Variants in ARHGEF33 observed in about 807,000 individuals in gnomAD.
ARHGEF33 encodes Rho guanine nucleotide exchange factor 33, also known as DH and coiled-coil domain-containing protein ENSP00000381780.
Under a neutral mutation model 101.9 loss-of-function variants are expected in ARHGEF33, and 72 were observed. That is an observed-to-expected ratio of 0.71 (90% CI 0.58 to 0.86). ARHGEF33 has a LOEUF of 0.86. Among genes scored for constraint, ARHGEF33 ranks in the 40% least tolerant of loss-of-function variants. ARHGEF33 has a pLI of 0.00. For missense variants in ARHGEF33, 1,169 were observed against 1,111.3 expected (o/e 1.05, Z -0.74); for synonymous variants, 499 against 442.5 (o/e 1.13, Z -1.60).
rs1341538222 is a variant in ARHGEF33 at position 38,974,655 on chromosome 2, C to G, written c.*812C>G. 6.6e-6 allele frequency: 1 copy of G among 152,184 alleles called. No homozygotes were observed. Among genetic ancestry groups the G allele is most frequent in the Non-Finnish European group, 1.5e-5 (1 of 68,040 alleles). The allele number at this position is 152,184 out of a possible 1,614,324, so 9.4% of individuals were successfully genotyped here. A position where few individuals can be genotyped will look rare whatever the true frequency, so the allele number is the denominator to read the frequency against. On this transcript the variant is annotated 3_prime_UTR_variant, in exon 18 of 18. Coordinates refer to ENST00000409978, the MANE Select transcript of ARHGEF33 (RefSeq NM_001145451.5). ...CGTGATCTTGAGTGTCACACACACT[C>G]ACAACCAGATGGACTAGGAAAAAAG... is the stretch of plus-strand genomic sequence containing the variant.
Position 38,975,264 on chromosome 2 carries a change from T to C in ARHGEF33, c.*1421T>C, listed in dbSNP as rs1409003179. On this transcript the variant is annotated 3_prime_UTR_variant, in exon 18 of 18. Transcript: ENST00000409978. The stretch of plus-strand genomic sequence containing the variant: ...ACATAAAGGATCACTGCCAAGTTTT[T>C]TGAGTTTCCAGGATCTAAGTTTAAG... 1.3e-5 allele frequency: 2 copies of C among 152,232 alleles called. No individual in the cohort carries two copies. Among genetic ancestry groups the C allele is most frequent in the African/African-American group, 4.8e-5 (2 of 41,468 alleles). The allele number at this position is 152,232 out of a possible 1,614,324, so 9.4% of individuals were successfully genotyped here.
chr2:38,927,831 G>A (rs995953138), intron 4 of ARHGEF33, among the ~76,000 whole-genome samples: 3 of 152,188 alleles, frequency 2.0e-5, no homozygotes, highest in Non-Finnish European at 4.4e-5. Flanking sequence ...TGTCAAGAAA[G>A]TAATGTTATT....
Position 38,954,473 on chromosome 2 carries a change from A to G in ARHGEF33, c.1221+17A>G, listed in dbSNP as rs1558441651. 4.7e-6 allele frequency: 7 copies of G among 1,493,388 alleles called. No homozygotes were observed. The highest frequency in any genetic ancestry group is 5.5e-6 in the Non-Finnish European group (6 of 1,093,978). 92.5% of individuals were successfully genotyped at this position (1,493,388 alleles called of 1,614,324 possible). A position where few individuals can be genotyped will look rare whatever the true frequency, so the allele number is the denominator to read the frequency against. On this transcript the variant is annotated intron_variant, in intron 13 of 17. Coordinates refer to ENST00000409978, the MANE Select transcript of ARHGEF33 (RefSeq NM_001145451.5). ...CATCTGCAGGTAGGCATGGGTGGGA[A>G]AGCCACCAAACTGATTTGCATGCTA... is the stretch of plus-strand genomic sequence containing the variant.
intron 4 of ARHGEF33, among the ~76,000 whole-genome samples, chr2:38,928,234 G>A (rs1254487691): frequency 1.3e-5 from 2 of 152,108 alleles, no homozygotes; most frequent in Non-Finnish European, 2.9e-5. Flanking sequence ...TGACCTGCAT[G>A]ACCAGGACTG....
chr2:38,917,024 T>G (rs937047013), intron 2 of ARHGEF33, among the ~76,000 whole-genome samples: 4 of 151,850 alleles, frequency 2.6e-5, no homozygotes, highest in Non-Finnish European at 5.9e-5. Flanking sequence ...GGTCTGGAAC[T>G]CCTGACCTCA....
chr2:38,955,758 C>T (rs954935313), intron 13 of ARHGEF33, among the ~76,000 whole-genome samples: 7 of 151,898 alleles, frequency 4.6e-5, no homozygotes, highest in African/African-American at 9.7e-5. Flanking sequence ...CTCACTGCAA[C>T]CTCCGCCTCC....
chr2:38,951,234 G>A, intron 11 of ARHGEF33, 113 bp downstream of exon 11: 1 of 981,234 alleles, frequency 1.0e-6, no homozygotes, highest in South Asian at 1.7e-5. Flanking sequence ...TAGAACCACT[G>A]AGATCTAGTC....
chr2:38,918,493 G>A (rs1666683897), intron 2 of ARHGEF33, among the ~76,000 whole-genome samples: 1 of 152,132 alleles, frequency 6.6e-6, no homozygotes, highest in African/African-American at 2.4e-5. Context: ...AACTTAAGAA[G>A]GGGTTAAAAT....
chr2:38,967,479 T>G (rs1029617833), intron 17 of ARHGEF33, among the ~76,000 whole-genome samples: 6 of 152,214 alleles, frequency 3.9e-5, no homozygotes, highest in African/African-American at 1.4e-4. Flanking sequence ...TAGGATCATA[T>G]AGACTTAGAT....
At chr2:38,964,027 G>C (rs1185495078) in intron 16 of ARHGEF33, among the ~76,000 whole-genome samples, 1 of 152,080 alleles carries the variant, frequency 6.6e-6, no homozygotes, top group Non-Finnish European at 1.5e-5. Flanking sequence ...AGGATCAGTG[G>C]GAGCCCTGAG....
intron 2 of ARHGEF33, among the ~76,000 whole-genome samples, chr2:38,911,457 A>C (rs1298294322): frequency 2.6e-5 from 4 of 152,200 alleles, no homozygotes; most frequent in Admixed American, 2.0e-4. Flanking sequence ...AGTAATTGGA[A>C]AGTAATAGAC....
chr2:38,931,145 G>A lies in ARHGEF33; in HGVS notation c.399G>A (p.Gly133=), dbSNP rs1454790986. The A allele has an allele frequency of 6.4e-7, 1 of 1,551,534 alleles. No individual in the cohort carries two copies. The highest frequency in any genetic ancestry group is 8.7e-7 in the Non-Finnish European group (1 of 1,146,906). ...AAGAAGAGCACAGCTCACAGGCCGG[G>A]CCTGCCCAAGCACAAGGAAGTCCTT... is the stretch of plus-strand genomic sequence containing the variant. The part of the protein sequence containing the change: ...TQKEEHSSQA[G]PAQAQGSPFR... The change falls in exon 7 of 18, where the codon GGG becomes GGA. Residue 133 remains glycine, a synonymous_variant. Coordinates refer to ENST00000409978, the MANE Select transcript of ARHGEF33 (RefSeq NM_001145451.5).
In ARHGEF33 at chr2:38,902,421, T is replaced by G. The variant is rs145141282; in HGVS notation, c.-86+6572T>G. Among the ~76,000 whole-genome samples, 153 of 152,360 alleles carry G rather than the reference T, an allele frequency of 1.0e-3. 1 individual carries two copies. The highest frequency in any genetic ancestry group is 3.4e-3 in the African/African-American group (140 of 41,586). ...ATATGTATATAAGAAATTGGGACTCTGTAGTGAAGCATTTTATTTTTTCTG... is the reference window on the plus strand; with the variant it reads ...ATATGTATATAAGAAATTGGGACTCGGTAGTGAAGCATTTTATTTTTTCTG... On this transcript the variant is annotated intron_variant, in intron 2 of 17. Coordinates refer to ENST00000409978, the MANE Select transcript of ARHGEF33 (RefSeq NM_001145451.5).
chr2:38,961,810 G>T (rs1312507784), intron 16 of ARHGEF33, among the ~76,000 whole-genome samples: 2 of 151,922 alleles, frequency 1.3e-5, no homozygotes, highest in African/African-American at 4.8e-5. Flanking sequence ...GGTGGTCAGA[G>T]AAGGCCTCCT....
intron 2 of ARHGEF33, among the ~76,000 whole-genome samples, chr2:38,909,492 CTTTTT>C (rs768568418): frequency 1.7e-5 from 2 of 117,402 alleles, no homozygotes; most frequent in Non-Finnish European, 3.6e-5. Flanking sequence ...TGGCTAATTT[CTTTTT>C]TTTTTTTTTT....
intron 2 of ARHGEF33, among the ~76,000 whole-genome samples, chr2:38,905,857 T>C (rs1666375744): frequency 6.6e-6 from 1 of 152,194 alleles, no homozygotes; most frequent in Non-Finnish European, 1.5e-5. Flanking sequence ...GAGCATAATC[T>C]GCACAGGGAC....
rs114891704 is a variant in ARHGEF33, at chr2:38,899,739, G to A, written c.-86+3890G>A. 9.3e-3 allele frequency among the ~76,000 whole-genome samples: 1,420 copies of A among 152,204 alleles called. 19 individuals are homozygous for A. Among genetic ancestry groups the A allele is most frequent in the African/African-American group, 0.032 (1,340 of 41,534 alleles). On this transcript the variant is annotated intron_variant, in intron 2 of 17. Transcript: ENST00000409978. ...CACAACAATGACAAGTATATAAGGT[G>A]ACAGGTAGGCTAATTAGCTTGATTT... is the stretch of plus-strand genomic sequence containing the variant.
chr2:38,910,932 T>A (rs920725529), intron 2 of ARHGEF33, among the ~76,000 whole-genome samples: 1 of 152,222 alleles, frequency 6.6e-6, no homozygotes, highest in Non-Finnish European at 1.5e-5. Context: ...CTACTGGTCT[T>A]ACTTGAAGCG....
At chr2:38,912,673 C>T (rs1251213591) in intron 2 of ARHGEF33, among the ~76,000 whole-genome samples, 1 of 152,108 alleles carries the variant, frequency 6.6e-6, no homozygotes, top group Non-Finnish European at 1.5e-5. Context: ...TTTTCTCAAG[C>T]AACTATTTCT....
Sources: gnomAD v4.1 joint callset for allele counts (sites outside exome capture counted in the v4.1 genomes callset) on GRCh38, gnomAD v4.1.1 for gene constraint, MANE v1.5 for transcripts, NCBI Gene and HGNC (gene_info 2026-07-23, HGNC 2026-07-21) for gene names.